Variants in HLA-DPB1 observed in about 807,000 individuals in gnomAD.
HLA-DPB1 encodes the protein major histocompatibility complex, class II, DP beta 1.
In HLA-DPB1, 30 loss-of-function variants were observed where a neutral mutation model predicts 29.4. The ratio of observed to expected loss-of-function variants is 1.02; its 90% CI spans 0.76 to 1.38. The LOEUF is 1.38. Ranked by LOEUF, HLA-DPB1 falls within the 40% of genes most tolerant of loss-of-function variation. The probability of loss-of-function intolerance (pLI) is 0.00; values close to 1 mark genes in which losing one functional copy is unlikely to be tolerated. For synonymous variants in HLA-DPB1, 114 were observed against 134.0 expected (o/e 0.85, Z 1.03); for missense variants, 261 against 327.5 (o/e 0.80, Z 1.57).
In HLA-DPB1 at chr6:33,085,208, A is replaced by T; in HGVS notation, c.623A>T (p.Asp208Val). The T allele has an allele frequency of 6.2e-7, 1 of 1,611,096 alleles. No individual in the cohort carries two copies. The highest frequency in any genetic ancestry group is 8.5e-7 in the Non-Finnish European group (1 of 1,177,986). Residue 208 changes from aspartate (D) to valine (V), a missense_variant, in exon 3 of 6, where the codon GAT becomes GTT. Physicochemically the swap from Asp to Val is radical, Grantham distance 152. Transcript: ENST00000418931. The part of the protein sequence containing the change: ...YTCQVEHTSL[D>V]SPVTVEWKAQ... ...TGCCAAGTGGAGCACACCAGCCTGG[A>T]TAGTCCTGTCACCGTGGAGTGGAGT...
At position 33,085,905 on chromosome 6, in the gene HLA-DPB1, G is replaced by A. The variant is rs9277471; in HGVS notation, c.757+16G>A. On this transcript the variant is annotated intron_variant, in intron 4 of 5. Coordinates refer to ENST00000418931, the MANE Select transcript of HLA-DPB1 (RefSeq NM_002121.6). ...AGCAAGAAAGGTGAGAAAGCCTGCA[G>A]GGTGAGCGGGACTTACCTTCCCCTG... 492,326 of 1,541,086 alleles carry A rather than the reference G, an allele frequency of 0.32. 84,574 individuals are homozygous for A. Among genetic ancestry groups the A allele is most frequent in the East Asian group, 0.6 (26,757 of 44,442 alleles).
Position 33,086,367 on chromosome 6 carries a change from C to T in HLA-DPB1, c.*4+125C>T, listed in dbSNP as rs559341318. 13 of 834,606 alleles carry T rather than the reference C, an allele frequency of 1.6e-5. No homozygotes were observed. The African/African-American group carries it at 1.9e-4, about 12-fold the overall frequency. The allele number at this position is 834,606 out of a possible 1,614,324, so 51.7% of individuals were successfully genotyped here. A position where few individuals can be genotyped will look rare whatever the true frequency, so the allele number is the denominator to read the frequency against. On this transcript the variant is annotated intron_variant, in intron 5 of 5. Coordinates refer to ENST00000418931, the MANE Select transcript of HLA-DPB1 (RefSeq NM_002121.6). ...CAGGCATGAACCCCTCTTTCAATGT[C>T]AGCCTTCAGGCAAGTGGGGAAAGAG...
intron 1 of HLA-DPB1, chr6:33,079,594 G>A (rs1762728843): frequency 6.8e-6 from 3 of 440,388 alleles, no homozygotes; most frequent in South Asian, 3.5e-5. Context: ...TTCGTAGAAG[G>A]TCCAAGGGCC....
In HLA-DPB1 at chr6:33,080,503, G is replaced by C. The variant is rs767021209; in HGVS notation, c.101-169G>C. The C allele has an allele frequency of 1.3e-5, 12 of 924,188 alleles. No homozygotes were observed. The highest frequency in any genetic ancestry group is 1.9e-5 in the Non-Finnish European group (11 of 576,404). The allele number at this position is 924,188 out of a possible 1,614,324, so 57.2% of individuals were successfully genotyped here. On this transcript the variant is annotated intron_variant, in intron 1 of 5. Transcript: ENST00000418931. This position sits in a 1 kb window ranked among gnomAD's most constrained non-coding sequence, Gnocchi z 4.3. The stretch of plus-strand genomic sequence containing the variant: ...GTGGTGAGAAAACAGGCCTGGAGAG[G>C]CTCTGCGACCCGCTTAGGACCACAG...
At chr6:33,082,341 C>T (rs9277367) in intron 2 of HLA-DPB1, among the ~76,000 whole-genome samples, 56,115 of 150,880 alleles carry the variant, frequency 0.37, 11,840 homozygotes, top group East Asian at 0.63. Flanking sequence ...GTTTCTCCTC[C>T]AGGCCCGCAG....
At position 33,088,354 on chromosome 6, in the gene HLA-DPB1, C is replaced by T. The variant is rs367967323; in HGVS notation, c.*1820C>T. On this transcript the variant is annotated 3_prime_UTR_variant, in exon 6 of 6. Coordinates refer to ENST00000418931, the MANE Select transcript of HLA-DPB1 (RefSeq NM_002121.6). The stretch of plus-strand genomic sequence containing the variant: ...CATGTTACAGGTTAGGGCAGTACCC[C>T]GAGTGGAGTGAACAATCTCTGGACT... 4.1e-3 allele frequency among the ~76,000 whole-genome samples: 618 copies of T among 148,986 alleles called. 7 individuals carry two copies. Among genetic ancestry groups the T allele is most frequent in the African/African-American group, 0.015 (597 of 40,614 alleles).
chr6:33,080,802 G>A lies in HLA-DPB1; in HGVS notation c.231G>A (p.Val77=), dbSNP rs575237777. 1.2e-5 allele frequency: 19 copies of A among 1,613,674 alleles called. No homozygotes were observed. Among genetic ancestry groups the A allele is most frequent in the Admixed American group, 1.2e-4 (7 of 59,986 alleles). Residue 77 remains valine, a synonymous_variant, in exon 2 of 6, where the codon GTG becomes GTA. Transcript: ENST00000418931. The surrounding 1 kb of genome is among the most constrained non-coding windows in gnomAD (Gnocchi z 4.3). ...GCGACGTGGGGGAGTTCCGGGCGGT[G>A]ACGGAGCTGGGGCGGCCTGCTGCGG... is the stretch of plus-strand genomic sequence containing the variant. The part of the protein sequence containing the change: ...FDSDVGEFRA[V]TELGRPAAEY...
At chr6:33,078,826 G>A (rs1292799985) in intron 1 of HLA-DPB1, among the ~76,000 whole-genome samples, 4 of 152,142 alleles carry the variant, frequency 2.6e-5, no homozygotes, top group African/African-American at 9.7e-5. Flanking sequence ...TGGTGATTGA[G>A]GAGGAGAAAC....
chr6:33,077,225 C>T (rs1762588422), intron 1 of HLA-DPB1, among the ~76,000 whole-genome samples: 1 of 152,034 alleles, frequency 6.6e-6, no homozygotes. Flanking sequence ...CAGCTTCCTC[C>T]ATGTCCCTAC....
chr6:33,080,525 A>T lies in HLA-DPB1; in HGVS notation c.101-147A>T. 1 of 1,185,804 alleles carries T rather than the reference A, an allele frequency of 8.4e-7. No homozygotes were observed. The highest frequency in any genetic ancestry group is 1.2e-6 in the Non-Finnish European group (1 of 814,016). The allele number at this position is 1,185,804 out of a possible 1,614,324, so 73.5% of individuals were successfully genotyped here. On this transcript the variant is annotated intron_variant, in intron 1 of 5. Coordinates refer to ENST00000418931, the MANE Select transcript of HLA-DPB1 (RefSeq NM_002121.6). The surrounding 1 kb of genome is among the most constrained non-coding windows in gnomAD (Gnocchi z 4.3). ...GAGGCTCTGCGACCCGCTTAGGACC[A>T]CAGAACTCGGTACTAGGAAAACTCC...
chr6:33,082,071 G>A (rs1217840864), intron 2 of HLA-DPB1: 3 of 152,278 alleles, frequency 2.0e-5, no homozygotes, highest in Non-Finnish European at 2.9e-5. Context: ...TGATTTTCTT[G>A]TTCCTGGAAA....
intron 5 of HLA-DPB1, 37 bp downstream of exon 5, chr6:33,086,279 T>G: frequency 6.7e-7 from 1 of 1,489,416 alleles, no homozygotes; most frequent in Non-Finnish European, 9.3e-7. Context: ...TGGGGTGGGT[T>G]GCAGGAGGAT....
chr6:33,086,265 C>T, intron 5 of HLA-DPB1, 23 bp downstream of exon 5: 1 of 1,558,036 alleles, frequency 6.4e-7, no homozygotes, highest in Non-Finnish European at 8.8e-7. Flanking sequence ...CTTTGATTTC[C>T]TTGTGGGGTG....
chr6:33,089,368 C>T lies in HLA-DPB1; in HGVS notation c.*2834C>T, dbSNP rs537383712. 3.9e-5 allele frequency among the ~76,000 whole-genome samples: 6 copies of T among 152,318 alleles called. No homozygotes were observed. The highest frequency in any genetic ancestry group is 1.4e-4 in the African/African-American group (6 of 41,562). On this transcript the variant is annotated 3_prime_UTR_variant, in exon 6 of 6. Transcript: ENST00000418931. ...AATAGGATCAGCTGTGCTAAACTAA[C>T]AAATACCCAGATATCCAGGTTTGGC... is the stretch of plus-strand genomic sequence containing the variant.
intron 2 of HLA-DPB1, 118 bp downstream of exon 2, chr6:33,081,053 G>T (rs1488207975): frequency 1.6e-6 from 2 of 1,224,304 alleles, no homozygotes; most frequent in Non-Finnish European, 2.2e-6. Flanking sequence ...GGGACTTTGG[G>T]TTGGGGATTC....
At chr6:33,082,548 A>C (rs9277379) in intron 2 of HLA-DPB1, among the ~76,000 whole-genome samples, 21,063 of 152,058 alleles carry the variant, frequency 0.14, 1,575 homozygotes, top group Non-Finnish European at 0.17. Flanking sequence ...AATGAAAAAG[A>C]GAAGGTTGGA....
At position 33,088,961 on chromosome 6, in the gene HLA-DPB1, C is replaced by G. The variant is rs9277560; in HGVS notation, c.*2427C>G. The stretch of plus-strand genomic sequence containing the variant: ...TTTTCTACCCCTCACAGTTCCCTAA[C>G]GAGAAGGTGGTCCACCCAACAGACA... On this transcript the variant is annotated 3_prime_UTR_variant, in exon 6 of 6. Coordinates refer to ENST00000418931, the MANE Select transcript of HLA-DPB1 (RefSeq NM_002121.6). Among the ~76,000 whole-genome samples the G allele has an allele frequency of 0.2, 30,016 of 151,884 alleles. 3,363 individuals carry two copies. The highest frequency in any genetic ancestry group is 0.55 in the East Asian group (2,820 of 5,136).
rs1200566458 is a variant in HLA-DPB1 at position 33,076,075 on chromosome 6, A to C, written c.34A>C (p.Thr12Pro). Residue 12 changes from threonine (T) to proline (P), a missense_variant, in exon 1 of 6, where the codon ACA (threonine) becomes CCA (proline). By Grantham distance (38) the Thr-to-Pro change is conservative. Transcript: ENST00000418931. ...MVLQVSAAPR[T>P]VALTALLMVL... ...TCTGCAGGTTTCTGCGGCCCCCCGG[A>C]CAGTGGCTCTGACGGCGTTACTGAT... is the stretch of plus-strand genomic sequence containing the variant. 3.7e-6 allele frequency: 6 copies of C among 1,612,460 alleles called. No homozygotes were observed. The South Asian group carries it at 6.6e-5, about 18-fold the overall frequency.
At chr6:33,076,527 G>A (rs1006968274) in intron 1 of HLA-DPB1, among the ~76,000 whole-genome samples, 2 of 152,198 alleles carry the variant, frequency 1.3e-5, no homozygotes, top group African/African-American at 4.8e-5. Context: ...CCCTAAGCTG[G>A]AGTGTCCAGG....
Sources: allele counts gnomAD v4.1 joint callset (sites outside exome capture counted in the v4.1 genomes callset), GRCh38; gene constraint gnomAD v4.1.1; non-coding constraint Gnocchi (gnomAD v3.1); transcripts MANE v1.5; gene names NCBI Gene and HGNC (gene_info 2026-07-23, HGNC 2026-07-21).